TNFSF4: variants seen among roughly 807,000 people sequenced by gnomAD.
The protein encoded by TNFSF4 is TNF superfamily member 4.
Under a neutral mutation model 7.3 loss-of-function variants are expected in TNFSF4, and 4 were observed. The observed-to-expected ratio is 0.55, with a 90% CI of 0.27 to 1.25. The LOEUF (loss-of-function observed/expected upper bound fraction) is 1.25. Ranked by LOEUF, TNFSF4 falls within the 50% of genes most tolerant of loss-of-function variation. TNFSF4 has a pLI of 0.12. For synonymous variants in TNFSF4, 76 were observed against 83.7 expected, an observed-to-expected ratio of 0.91 and a Z score of 0.50; for missense variants, 181 against 208.8, an observed-to-expected ratio of 0.87 and a Z score of 0.82.
At chr1:173,339,394 T>C in the TNFSF4 span, among the ~76,000 whole-genome samples, 4 of 151,516 alleles carry the variant, frequency 2.6e-5, no homozygotes, top group Non-Finnish European at 5.9e-5. Context: ...AAAAATAAAA[T>C]AAAATAAACA....
At chr1:173,294,247 T>C in the TNFSF4 span, among the ~76,000 whole-genome samples, 1 of 152,078 alleles carries the variant, frequency 6.6e-6, no homozygotes, top group African/African-American at 2.4e-5. Flanking sequence ...ATGTGGTATA[T>C]ATACAAATAG....
upstream of TNFSF4, among the ~76,000 whole-genome samples, chr1:173,208,933 G>A (rs898227552): frequency 2.7e-5 from 4 of 150,178 alleles, no homozygotes; most frequent in African/African-American, 7.3e-5. Flanking sequence ...GAAAATCGTA[G>A]ATAACATTTT....
chr1:173,190,248 C>A (rs1056634667), intron 1 of TNFSF4, among the ~76,000 whole-genome samples: 4 of 152,074 alleles, frequency 2.6e-5, no homozygotes, highest in Non-Finnish European at 5.9e-5. Flanking sequence ...ACGGCTCTTC[C>A]CACAAGCTTA....
At chr1:173,238,132 A>C in the TNFSF4 span, among the ~76,000 whole-genome samples, 1 of 152,196 alleles carries the variant, frequency 6.6e-6, no homozygotes, top group East Asian at 1.9e-4. Flanking sequence ...ATCTTTGACA[A>C]AGGTGACAAA....
chr1:173,304,888 C>T, the TNFSF4 span, among the ~76,000 whole-genome samples: 1 of 151,976 alleles, frequency 6.6e-6, no homozygotes, highest in East Asian at 1.9e-4. Context: ...ATCTCACAGT[C>T]AAGGGGAGAG....
At chr1:173,413,894 A>G in the TNFSF4 span, among the ~76,000 whole-genome samples, 1 of 152,224 alleles carries the variant, frequency 6.6e-6, no homozygotes, top group South Asian at 2.1e-4. Context: ...ACAGAGAAGC[A>G]AAGCCTGAAT....
the TNFSF4 span, among the ~76,000 whole-genome samples, chr1:173,215,552 C>T: frequency 2.0e-5 from 3 of 152,118 alleles, no homozygotes; most frequent in East Asian, 5.8e-4. Flanking sequence ...AAATAGTCTA[C>T]GTAATACACT....
At chr1:173,194,610 C>T (rs762548226) in intron 1 of TNFSF4, among the ~76,000 whole-genome samples, 1 of 152,044 alleles carries the variant, frequency 6.6e-6, no homozygotes, top group Non-Finnish European at 1.5e-5. Flanking sequence ...GGGCCTGGTG[C>T]GGTAGCTCAC....
the TNFSF4 span, among the ~76,000 whole-genome samples, chr1:173,428,329 T>C: frequency 1.3e-5 from 2 of 152,110 alleles, no homozygotes; most frequent in Non-Finnish European, 2.9e-5. Context: ...CTGTACTAAT[T>C]TACAAGAAAC....
the TNFSF4 span, among the ~76,000 whole-genome samples, chr1:173,438,334 T>C: frequency 6.6e-6 from 1 of 152,240 alleles, no homozygotes; most frequent in Non-Finnish European, 1.5e-5. Context: ...AATAGCATTT[T>C]TATGGCTCTT....
chr1:173,383,889 G>A, the TNFSF4 span, among the ~76,000 whole-genome samples: 1 of 152,102 alleles, frequency 6.6e-6, no homozygotes, highest in South Asian at 2.1e-4. Flanking sequence ...TACCACTCAG[G>A]AATAATTTGA....
chr1:173,292,401 AT>A, the TNFSF4 span, among the ~76,000 whole-genome samples: 1 of 152,198 alleles, frequency 6.6e-6, no homozygotes, highest in African/African-American at 2.4e-5. Context: ...ATCTCAATAG[AT>A]GCAGAAAAGG....
intron 2 of TNFSF4, 79 bp downstream of exon 2, chr1:173,188,442 G>A (rs1014345895): frequency 8.9e-7 from 1 of 1,122,398 alleles, no homozygotes; most frequent in Non-Finnish European, 1.3e-6. Flanking sequence ...AAGAGATCTT[G>A]TGTTCTAGAG....
the TNFSF4 span, among the ~76,000 whole-genome samples, chr1:173,338,144 T>G: frequency 6.6e-6 from 1 of 151,962 alleles, no homozygotes; most frequent in African/African-American, 2.4e-5. Context: ...CAACCCTGAG[T>G]CCCCAGCATG....
chr1:173,324,255 G>A, the TNFSF4 span, among the ~76,000 whole-genome samples: 1 of 152,156 alleles, frequency 6.6e-6, no homozygotes, highest in Non-Finnish European at 1.5e-5. Flanking sequence ...TTCATATCCA[G>A]CCGAACCAAA....
At chr1:173,358,459 G>A in the TNFSF4 span, among the ~76,000 whole-genome samples, 1 of 152,224 alleles carries the variant, frequency 6.6e-6, no homozygotes, top group African/African-American at 2.4e-5. Context: ...CTCATAGACT[G>A]CTGCTGGGAG....
chr1:173,247,011 G>T, the TNFSF4 span, among the ~76,000 whole-genome samples: 5 of 152,104 alleles, frequency 3.3e-5, no homozygotes, highest in Non-Finnish European at 5.9e-5. Context: ...TTTTCCCAGG[G>T]AATCTAATGC....
At chr1:173,395,651 A>G in the TNFSF4 span, among the ~76,000 whole-genome samples, 1 of 152,050 alleles carries the variant, frequency 6.6e-6, no homozygotes, top group South Asian at 2.1e-4. Flanking sequence ...ACAGAATCTC[A>G]TGTTGCAACT....
chr1:173,314,919 G>C, the TNFSF4 span, among the ~76,000 whole-genome samples: 4 of 152,110 alleles, frequency 2.6e-5, no homozygotes, highest in African/African-American at 9.7e-5. Flanking sequence ...CCGAACATTA[G>C]CTATGGCCAC....
Sources: allele counts gnomAD v4.1 joint callset (sites outside exome capture counted in the v4.1 genomes callset), GRCh38; gene constraint gnomAD v4.1.1; transcripts MANE v1.5; gene names NCBI Gene and HGNC (gene_info 2026-07-23, HGNC 2026-07-21).